Variants in ADAMTSL1 observed in about 807,000 individuals in gnomAD.
ADAMTSL1 encodes ADAMTS like 1.
In ADAMTSL1, 126 loss-of-function variants were observed where a neutral mutation model predicts 201.8. The ratio of observed to expected loss-of-function variants is 0.62; its 90% confidence interval spans 0.54 to 0.72. The LOEUF (loss-of-function observed/expected upper bound fraction) is 0.72, where lower values mean the gene tolerates loss of function less well. Ranked by LOEUF, ADAMTSL1 falls within the 30% of genes least tolerant of loss-of-function variation. ADAMTSL1 has a pLI of 0.00. For synonymous variants in ADAMTSL1, 1,121 were observed against 903.4 expected (o/e 1.24, Z -4.32); for missense variants, 2,679 against 2,277.8 (o/e 1.18, Z -3.59).
intron 1 of ADAMTSL1, among the ~76,000 whole-genome samples, chr9:18,001,983 A>T (rs1819629559): frequency 6.6e-6 from 1 of 151,922 alleles, no homozygotes; most frequent in Non-Finnish European, 1.5e-5. Flanking sequence ...GGTTTGGGTG[A>T]GAAGGAGCTA....
chr9:18,713,241 A>G (rs1832720686), intron 14 of ADAMTSL1, among the ~76,000 whole-genome samples: 1 of 152,110 alleles, frequency 6.6e-6, no homozygotes, highest in African/African-American at 2.4e-5. Context: ...TCATATTCAC[A>G]CATAACAATA....
chr9:18,672,694 T>G (rs982250775), intron 9 of ADAMTSL1, among the ~76,000 whole-genome samples: 7 of 152,214 alleles, frequency 4.6e-5, no homozygotes, highest in Non-Finnish European at 1.0e-4. Context: ...TCCATGTCAT[T>G]AAAAATGACT....
intron 16 of ADAMTSL1, among the ~76,000 whole-genome samples, chr9:18,755,962 G>A (rs887001087): frequency 4.6e-5 from 7 of 150,836 alleles, no homozygotes; most frequent in Admixed American, 4.6e-4. Context: ...AACATAACAA[G>A]AAATAAAGAA....
intron 1 of ADAMTSL1, among the ~76,000 whole-genome samples, chr9:18,142,576 G>C (rs1001183639): frequency 1.3e-5 from 2 of 152,198 alleles, no homozygotes; most frequent in Non-Finnish European, 2.9e-5. Flanking sequence ...TGAAGCAGGT[G>C]CAGCTGAGAA....
intron 26 of ADAMTSL1, among the ~76,000 whole-genome samples, chr9:18,893,497 T>G (rs968450022): frequency 2.6e-5 from 4 of 152,204 alleles, no homozygotes; most frequent in Non-Finnish European, 5.9e-5. Flanking sequence ...TGTCGAGCTT[T>G]AATGTGAATC....
chr9:18,393,605 C>T (rs1051256703), intron 2 of ADAMTSL1, among the ~76,000 whole-genome samples: 1 of 152,176 alleles, frequency 6.6e-6, no homozygotes, highest in Non-Finnish European at 1.5e-5. Flanking sequence ...TCCATTTCAC[C>T]CTAGTAACCT....
intron 2 of ADAMTSL1, among the ~76,000 whole-genome samples, chr9:18,199,102 A>T (rs1266047006): frequency 4.7e-5 from 6 of 128,520 alleles, no homozygotes; most frequent in African/African-American, 1.8e-4. Context: ...CACTCTGGGG[A>T]CTGTTGTGGG....
intron 1 of ADAMTSL1, among the ~76,000 whole-genome samples, chr9:18,504,266 A>G (rs1462741795): frequency 6.6e-6 from 1 of 152,234 alleles, no homozygotes; most frequent in Non-Finnish European, 1.5e-5. Flanking sequence ...AAGCCTGTAA[A>G]TAACCAGCAA....
chr9:18,262,586 T>C (rs1831965972), intron 2 of ADAMTSL1, among the ~76,000 whole-genome samples: 1 of 152,102 alleles, frequency 6.6e-6, no homozygotes, highest in Admixed American at 6.5e-5. Context: ...CAGGAGTTAG[T>C]AGAGAATGGA....
At chr9:17,948,714 A>G (rs1827610535) in intron 1 of ADAMTSL1, among the ~76,000 whole-genome samples, 1 of 152,226 alleles carries the variant, frequency 6.6e-6, no homozygotes, top group Admixed American at 6.5e-5. Flanking sequence ...TTGTGATGTT[A>G]AAAGAAACTG....
chr9:17,930,679 C>T (rs951148746), intron 1 of ADAMTSL1, among the ~76,000 whole-genome samples: 7 of 152,124 alleles, frequency 4.6e-5, no homozygotes, highest in Non-Finnish European at 1.0e-4. Flanking sequence ...GGGTGGAAAC[C>T]GCTAAAAATA....
chr9:18,830,753 T>C (rs1338790355), intron 23 of ADAMTSL1, among the ~76,000 whole-genome samples: 1 of 152,160 alleles, frequency 6.6e-6, no homozygotes, highest in Non-Finnish European at 1.5e-5. Flanking sequence ...AATAGGCCTA[T>C]ACATGTGCAG....
intron 2 of ADAMTSL1, among the ~76,000 whole-genome samples, chr9:18,381,749 C>T (rs1587024414): frequency 6.6e-6 from 1 of 151,936 alleles, no homozygotes; most frequent in Admixed American, 6.6e-5. Flanking sequence ...ATTTTTAAAA[C>T]TATGTATCAC....
In ADAMTSL1 at chr9:18,209,747, C is replaced by T. The variant is rs1005112092; in HGVS notation, c.207+45766C>T. 4.6e-5 allele frequency among the ~76,000 whole-genome samples: 7 copies of T among 152,132 alleles called. 1 individual carries two copies. Among genetic ancestry groups the T allele is most frequent in the Non-Finnish European group, 1.5e-5 (1 of 68,018 alleles). Reference sequence around the variant, plus strand: ...TTGCTGGGTAACACTTACTTCTCTCCTGATTATTTCCTCTTTGTTCTGTTT... The same window carrying T: ...TTGCTGGGTAACACTTACTTCTCTCTTGATTATTTCCTCTTTGTTCTGTTT... On this transcript the variant is annotated intron_variant, in intron 2 of 29. Coordinates refer to the ADAMTSL1 transcript ENST00000680146.
At chr9:18,012,538 T>C (rs2131559784) in intron 1 of ADAMTSL1, among the ~76,000 whole-genome samples, 1 of 152,178 alleles carries the variant, frequency 6.6e-6, no homozygotes, top group South Asian at 2.1e-4. Context: ...CCAAGACTCG[T>C]ACGTGAACAT....
chr9:18,153,102 C>G (rs1447909354), intron 1 of ADAMTSL1, among the ~76,000 whole-genome samples: 1 of 152,010 alleles, frequency 6.6e-6, no homozygotes, highest in Non-Finnish European at 1.5e-5. Context: ...AATAGCAGCT[C>G]ACATTTATAT....
At chr9:18,659,481 C>T (rs990019089) in intron 8 of ADAMTSL1, among the ~76,000 whole-genome samples, 1 of 152,150 alleles carries the variant, frequency 6.6e-6, no homozygotes, top group Non-Finnish European at 1.5e-5. Flanking sequence ...AATCATTTAG[C>T]TGGCCAGGTG....
At chr9:18,857,932 C>G (rs956681126) in intron 23 of ADAMTSL1, among the ~76,000 whole-genome samples, 2 of 152,116 alleles carry the variant, frequency 1.3e-5, no homozygotes, top group African/African-American at 4.8e-5. Context: ...AGAAGATATT[C>G]TAGGTTCATC....
At chr9:18,795,586 G>A (rs998507975) in intron 20 of ADAMTSL1, 62 bp downstream of exon 20, 1 of 1,510,956 alleles carries the variant, frequency 6.6e-7, no homozygotes, top group Non-Finnish European at 8.9e-7. Context: ...TGCCTATAGT[G>A]TGTCAAACAG....
Sources: allele counts gnomAD v4.1 joint callset (sites outside exome capture counted in the v4.1 genomes callset), GRCh38; gene constraint gnomAD v4.1.1; transcripts MANE v1.5; gene names NCBI Gene and HGNC (gene_info 2026-07-23, HGNC 2026-07-21).